CFAP61: variants seen among roughly 807,000 people sequenced by gnomAD.
CFAP61 encodes cilia- and flagella-associated protein 61.
In CFAP61, 107 loss-of-function variants were observed where a neutral mutation model predicts 135.6. That is an observed-to-expected ratio of 0.79 (90% CI 0.67 to 0.93). CFAP61 has a LOEUF of 0.93. Among genes scored for constraint, CFAP61 ranks in the 40% least tolerant of loss-of-function variants. The pLI is 0.00. For missense variants in CFAP61, 1,507 were observed against 1,556.2 expected (o/e 0.97, Z 0.53); for synonymous variants, 575 against 578.5 (o/e 0.99, Z 0.09).
chr20:20,253,253 T>TTTCC (rs1390428564), intron 20 of CFAP61: 1 of 151,810 alleles, frequency 6.6e-6, no homozygotes, highest in Non-Finnish European at 1.5e-5. Flanking sequence ...TCCTTCTTTC[T>TTTCC]TTCCTTCCTT....
At chr20:20,270,538 G>A (rs1000844945) in intron 21 of CFAP61, among the ~76,000 whole-genome samples, 10 of 152,014 alleles carry the variant, frequency 6.6e-5, no homozygotes, top group African/African-American at 1.5e-4. Context: ...CCTTTCCTGC[G>A]AAGTCATTTT....
intron 13 of CFAP61, among the ~76,000 whole-genome samples, chr20:20,173,309 T>C (rs1225493848): frequency 2.6e-5 from 4 of 152,250 alleles, no homozygotes; most frequent in African/African-American, 9.6e-5. Flanking sequence ...GTGCAATTGC[T>C]GGATCCTATG....
chr20:20,331,981 G>C (rs1363927874), intron 25 of CFAP61, among the ~76,000 whole-genome samples: 2 of 152,176 alleles, frequency 1.3e-5, no homozygotes, highest in African/African-American at 4.8e-5. Flanking sequence ...TGCTAACCTT[G>C]CCTCATACTA....
At position 20,219,561 on chromosome 20, in the gene CFAP61, C is replaced by A. The variant is rs112343030; in HGVS notation, c.1933-8688C>A. Among the ~76,000 whole-genome samples the A allele has an allele frequency of 9.0e-3, 1,370 of 152,192 alleles. 22 individuals are homozygous for A. The highest frequency in any genetic ancestry group is 0.031 in the African/African-American group (1,301 of 41,530). On this transcript the variant is annotated intron_variant, in intron 17 of 26. Transcript: ENST00000245957. ...ATATGGATTGGAAAGAGAAAAATGA[C>A]CTGAAATTCTCTTTCCTTTAAGCAA... is the stretch of plus-strand genomic sequence containing the variant.
At chr20:20,098,626 A>AAAAG in intron 7 of CFAP61, 29 bp from the exon 8 acceptor site, 2 of 1,525,392 alleles carry the variant, frequency 1.3e-6, no homozygotes, top group East Asian at 2.3e-5. Context: ...AAAAAAAAAA[A>AAAAG]GAATAATGAG....
At chr20:20,233,246 G>T (rs1010971647) in intron 18 of CFAP61, among the ~76,000 whole-genome samples, 1 of 152,204 alleles carries the variant, frequency 6.6e-6, no homozygotes, top group Admixed American at 6.5e-5. Context: ...GAAACCTTCA[G>T]TGTGGCCTGT....
chr20:20,088,725 A>G (rs2046975771), intron 6 of CFAP61, among the ~76,000 whole-genome samples: 1 of 152,086 alleles, frequency 6.6e-6, no homozygotes, highest in Admixed American at 6.5e-5. Flanking sequence ...CCGAGTTGTC[A>G]TCTTCTGTGT....
At chr20:20,142,978 G>GT (rs2051538955) in intron 9 of CFAP61, 30 bp downstream of exon 9, 12 of 1,377,344 alleles carry the variant, frequency 8.7e-6, no homozygotes, top group Non-Finnish European at 1.1e-5. Context: ...CATGCCTAGG[G>GT]TGGGGGGATG....
chr20:20,146,358 A>G (rs563596600), intron 9 of CFAP61, among the ~76,000 whole-genome samples: 17 of 152,370 alleles, frequency 1.1e-4, no homozygotes, highest in South Asian at 4.1e-4. Context: ...TTAATTCAGC[A>G]TAGTTGTCTT....
Position 20,147,080 on chromosome 20 carries a change from C to G in CFAP61, c.951+4132C>G, listed in dbSNP as rs573253190. Among the ~76,000 whole-genome samples the G allele has an allele frequency of 3.3e-5, 5 of 152,328 alleles. No individual in the cohort carries two copies. In the South Asian group the frequency reaches 1.0e-3, roughly 32 times the overall value. On this transcript the variant is annotated intron_variant, in intron 9 of 26. Coordinates refer to ENST00000245957, the MANE Select transcript of CFAP61 (RefSeq NM_015585.4). ...CAAGTTGCTGCAAAAGACATTATTT[C>G]ATTCCTTTCTATGGTTGAATAGTAT...
intron 2 of CFAP61, among the ~76,000 whole-genome samples, chr20:20,060,806 A>G (rs1338256427): frequency 6.6e-6 from 1 of 152,248 alleles, no homozygotes; most frequent in African/African-American, 2.4e-5. Flanking sequence ...CTCAGAACCC[A>G]GTGCCACACT....
At chr20:20,056,129 C>T (rs1341696357) in intron 1 of CFAP61, 9 of 719,840 alleles carry the variant, frequency 1.3e-5, no homozygotes, top group Non-Finnish European at 2.1e-5. Context: ...TTCAGGAAGC[C>T]TATTGCGAGC....
At position 20,315,443 on chromosome 20, in the gene CFAP61, T is replaced by C. The variant is rs374938973; in HGVS notation, c.3422+17057T>C. On this transcript the variant is annotated intron_variant, in intron 25 of 26. Transcript: ENST00000245957. ...TTGTAGATGCTGGATATTAGCCCTT[T>C]GTCAGATGAGTAGGTTGCGAAAATT... Among the ~76,000 whole-genome samples the C allele has an allele frequency of 3.3e-5, 5 of 152,360 alleles. No homozygotes were observed. In the East Asian group the frequency reaches 9.6e-4, roughly 29 times the overall value.
rs989300337 is a variant in CFAP61 at position 20,336,852 on chromosome 20, C to T, written c.3423-4979C>T. Among the ~76,000 whole-genome samples the T allele has an allele frequency of 5.3e-5, 8 of 152,288 alleles. No homozygotes were observed. The East Asian group carries it at 1.4e-3, about 26-fold the overall frequency. On this transcript the variant is annotated intron_variant, in intron 25 of 26. Coordinates refer to ENST00000245957, the MANE Select transcript of CFAP61 (RefSeq NM_015585.4). ...CTCCCCAGCGTGCACCCCTCTGCAG[C>T]CCTGCCATGCCAGGCCATCATAAGT...
intron 18 of CFAP61, among the ~76,000 whole-genome samples, chr20:20,233,973 C>A (rs993483465): frequency 6.6e-6 from 1 of 152,120 alleles, no homozygotes; most frequent in East Asian, 1.9e-4. Context: ...ACACAAAGCA[C>A]AAACCATGTA....
At position 20,238,750 on chromosome 20, in the gene CFAP61, G is replaced by A. The variant is rs189375447; in HGVS notation, c.2061-7367G>A. ...GATAAGGATGTTTAGACCTAATTTT[G>A]TAGCTGTCCTCCTGAAGCATGGAAT... On this transcript the variant is annotated intron_variant, in intron 18 of 26. Transcript: ENST00000245957. Among the ~76,000 whole-genome samples, 4 of 152,126 alleles carry A rather than the reference G, an allele frequency of 2.6e-5. No individual in the cohort carries two copies. The East Asian group carries it at 7.7e-4, about 29-fold the overall frequency.
chr20:20,216,770 A>G (rs1364938116), intron 17 of CFAP61, among the ~76,000 whole-genome samples: 1 of 150,624 alleles, frequency 6.6e-6, no homozygotes, highest in Non-Finnish European at 1.5e-5. Context: ...AATGAGAAGA[A>G]AAACAGTGGA....
intron 8 of CFAP61, among the ~76,000 whole-genome samples, chr20:20,111,895 T>C (rs1414921930): frequency 6.6e-6 from 1 of 152,182 alleles, no homozygotes; most frequent in Non-Finnish European, 1.5e-5. Flanking sequence ...TTAGTAGTTT[T>C]TTATGAATCC....
intron 2 of CFAP61, among the ~76,000 whole-genome samples, chr20:20,066,634 A>G (rs1302073100): frequency 6.6e-6 from 1 of 152,088 alleles, no homozygotes; most frequent in Non-Finnish European, 1.5e-5. Context: ...CAATGAGAAC[A>G]CATGGACACA....
Sources: gnomAD v4.1 joint callset for allele counts (sites outside exome capture counted in the v4.1 genomes callset) on GRCh38, gnomAD v4.1.1 for gene constraint, MANE v1.5 for transcripts, NCBI Gene and HGNC (gene_info 2026-07-23, HGNC 2026-07-21) for gene names.